Variants in ENPP6 observed in about 807,000 individuals in gnomAD.
ENPP6 encodes the protein glycerophosphocholine cholinephosphodiesterase ENPP6.
Under a neutral mutation model 42.0 loss-of-function variants are expected in ENPP6, and 32 were observed. That is an observed-to-expected ratio of 0.76 (90% CI 0.58 to 1.02). The LOEUF is 1.02. ENPP6 is among the 50% of genes least tolerant of loss of function. The pLI, the probability that ENPP6 is intolerant of heterozygous loss-of-function variation, is 0.00. For synonymous variants in ENPP6, 213 were observed against 216.0 expected, an observed-to-expected ratio of 0.99 and a Z score of 0.12; for missense variants, 552 against 566.8, an observed-to-expected ratio of 0.97 and a Z score of 0.27.
chr4:184,106,937 G>C (rs1234714812), intron 6 of ENPP6, among the ~76,000 whole-genome samples: 1 of 152,176 alleles, frequency 6.6e-6, no homozygotes, highest in Admixed American at 6.5e-5. Flanking sequence ...GCTTGAGTCT[G>C]CTGCAGACTA....
intron 2 of ENPP6, among the ~76,000 whole-genome samples, chr4:184,144,867 T>A (rs1394037631): frequency 6.6e-6 from 1 of 152,262 alleles, no homozygotes; most frequent in Non-Finnish European, 1.5e-5. Flanking sequence ...AATCCCGTAC[T>A]CATCGTTCCT....
At chr4:184,158,260 A>G (rs1464615815) in intron 1 of ENPP6, among the ~76,000 whole-genome samples, 2 of 152,240 alleles carry the variant, frequency 1.3e-5, no homozygotes, top group Admixed American at 1.3e-4. Flanking sequence ...CAAGTAGCTT[A>G]GACTCTCTGA....
intron 2 of ENPP6, among the ~76,000 whole-genome samples, chr4:184,137,443 T>C (rs1736748401): frequency 6.6e-6 from 1 of 152,246 alleles, no homozygotes; most frequent in African/African-American, 2.4e-5. Context: ...CTCTTGGTTT[T>C]TCAGTCAGGC....
At position 184,217,399 on chromosome 4, in the gene ENPP6, T is replaced by C. The variant is rs370947573; in HGVS notation, c.241+180A>G. On this transcript the variant is annotated intron_variant, in intron 1 of 7. Transcript: ENST00000296741. ...CCTTGGGATAACTTTTGGGAAACAATACCGCCACGAAAACAAAAGTCTTCT... is the reference window on the plus strand; with the variant it reads ...CCTTGGGATAACTTTTGGGAAACAACACCGCCACGAAAACAAAAGTCTTCT... Among the ~76,000 whole-genome samples the C allele has an allele frequency of 3.6e-3, 543 of 152,292 alleles. 2 individuals are homozygous for C. The highest frequency in any genetic ancestry group is 0.012 in the African/African-American group (517 of 41,576).
At chr4:184,178,882 AT>A (rs1407927267) in intron 1 of ENPP6, among the ~76,000 whole-genome samples, 1 of 152,230 alleles carries the variant, frequency 6.6e-6, no homozygotes, top group Non-Finnish European at 1.5e-5. Flanking sequence ...GGAAGCACAA[AT>A]ATGGAAAGGA....
intron 2 of ENPP6, among the ~76,000 whole-genome samples, chr4:184,143,929 A>G (rs955414110): frequency 6.6e-6 from 1 of 152,230 alleles, no homozygotes; most frequent in African/African-American, 2.4e-5. Flanking sequence ...TCTGCACACC[A>G]AGGGCTCAGG....
chr4:184,217,463 T>C (rs1279437522), intron 1 of ENPP6, 116 bp downstream of exon 1: 1 of 1,390,438 alleles, frequency 7.2e-7, no homozygotes, highest in African/African-American at 1.4e-5. Context: ...ACCTTTGATG[T>C]CCCAAAGGAC....
At chr4:184,208,995 G>C (rs1484358745) in intron 1 of ENPP6, among the ~76,000 whole-genome samples, 2 of 142,702 alleles carry the variant, frequency 1.4e-5, no homozygotes, top group Non-Finnish European at 3.1e-5. Flanking sequence ...TCACACGGCA[G>C]GGTATTCCAA....
At chr4:184,162,739 G>A (rs1316296018) in intron 1 of ENPP6, among the ~76,000 whole-genome samples, 2 of 152,140 alleles carry the variant, frequency 1.3e-5, no homozygotes, top group Non-Finnish European at 2.9e-5. Context: ...AAGGTGAGAT[G>A]CTCTTACTGA....
intron 1 of ENPP6, among the ~76,000 whole-genome samples, chr4:184,211,878 AG>A (rs1340518230): frequency 6.6e-6 from 1 of 150,892 alleles, no homozygotes; most frequent in Non-Finnish European, 1.5e-5. Flanking sequence ...CACATCAAAA[AG>A]CTTATCCACC....
intron 1 of ENPP6, among the ~76,000 whole-genome samples, chr4:184,190,236 C>T (rs1486998514): frequency 6.6e-6 from 1 of 152,168 alleles, no homozygotes; most frequent in Non-Finnish European, 1.5e-5. Flanking sequence ...GATTACTCAC[C>T]GATCTGGAAT....
rs143171312 is a variant in ENPP6, at chr4:184,164,643, C to T, written c.242-10910G>A. ...ACCTTAATTTCTGACTTCTGACCTC[C>T]GGAACTAAAAGACAACACATTTCTG... On this transcript the variant is annotated intron_variant, in intron 1 of 7. Coordinates refer to ENST00000296741, the MANE Select transcript of ENPP6 (RefSeq NM_153343.4). Among the ~76,000 whole-genome samples, 317 of 152,280 alleles carry T rather than the reference C, an allele frequency of 2.1e-3. 1 individual carries two copies. The highest frequency in any genetic ancestry group is 7.3e-3 in the African/African-American group (303 of 41,554).
At chr4:184,129,468 A>G (rs1420283462) in intron 2 of ENPP6, among the ~76,000 whole-genome samples, 1 of 152,234 alleles carries the variant, frequency 6.6e-6, no homozygotes, top group South Asian at 2.1e-4. Flanking sequence ...CCCATCCACT[A>G]CGCATCAAGA....
At chr4:184,162,086 C>G (rs541913677) in intron 1 of ENPP6, among the ~76,000 whole-genome samples, 3 of 152,134 alleles carry the variant, frequency 2.0e-5, no homozygotes, top group African/African-American at 7.2e-5. Context: ...AACTGCCCCC[C>G]TCCCCGCATG....
rs1553996065 is a variant in ENPP6, at chr4:184,131,259, T to TTCCTTCCTTCCTTC, written c.422-6988_422-6987insGAAGGAAGGAAGGA. Among the ~76,000 whole-genome samples, 119 of 73,340 alleles carry TTCCTTCCTTCCTTC rather than the reference T, an allele frequency of 1.6e-3. 9 individuals carry two copies. The highest frequency in any genetic ancestry group is 5.8e-3 in the South Asian group (12 of 2,078). 48.1% of individuals were successfully genotyped at this position (73,340 alleles called of 152,430 possible). ...CCTTTTCTTTCTTTCTTTCTCTTTC[T>TTCCTTCCTTCCTTC]CTTCCTTCCTTCCTTCCTTCCTTCC... On this transcript the variant is annotated intron_variant, in intron 2 of 7. Coordinates refer to ENST00000296741, the MANE Select transcript of ENPP6 (RefSeq NM_153343.4).
At chr4:184,214,114 T>G (rs946738745) in intron 1 of ENPP6, among the ~76,000 whole-genome samples, 2 of 140,148 alleles carry the variant, frequency 1.4e-5, no homozygotes. Context: ...GCGGGAGGGA[T>G]AGCATTGGGA....
intron 7 of ENPP6, among the ~76,000 whole-genome samples, chr4:184,096,928 A>G (rs565822698): frequency 3.0e-4 from 45 of 152,344 alleles, no homozygotes; most frequent in African/African-American, 1.1e-3. Flanking sequence ...TTTCCTGGAC[A>G]TCAGATAGCT....
In ENPP6 at chr4:184,150,187, G is replaced by A. The variant is rs117204260; in HGVS notation, c.421+3367C>T. Among the ~76,000 whole-genome samples, 64 of 152,254 alleles carry A rather than the reference G, an allele frequency of 4.2e-4. No homozygotes were observed. The East Asian group carries it at 0.012, about 29-fold the overall frequency. ...TGGCAACACTGGGTGGCGTGCTAAAGGGCCTGTTGAACTATATTAAACGCC... is the reference window on the plus strand; with the variant it reads ...TGGCAACACTGGGTGGCGTGCTAAAAGGCCTGTTGAACTATATTAAACGCC... On this transcript the variant is annotated intron_variant, in intron 2 of 7. Transcript: ENST00000296741.
At chr4:184,096,814 G>A (rs1735917919) in intron 7 of ENPP6, among the ~76,000 whole-genome samples, 2 of 150,194 alleles carry the variant, frequency 1.3e-5, no homozygotes, top group Non-Finnish European at 3.0e-5. Context: ...GCCTCTCTGA[G>A]GTGGGTGCTC....
Sources: allele counts gnomAD v4.1 joint callset (sites outside exome capture counted in the v4.1 genomes callset), GRCh38; gene constraint gnomAD v4.1.1; transcripts MANE v1.5; gene names NCBI Gene and HGNC (gene_info 2026-07-23, HGNC 2026-07-21).